The following HMGCS2 variants were observed in gnomAD, a reference collection of about 807,000 sequenced individuals.
HMGCS2 encodes the protein 3-hydroxy-3-methylglutaryl-CoA synthase 2.
In HMGCS2, 50 loss-of-function variants were observed where a neutral mutation model predicts 57.4. The ratio of observed to expected loss-of-function variants is 0.87; its 90% CI spans 0.69 to 1.10. The LOEUF is 1.10. Ranked by LOEUF, HMGCS2 falls within the 50% of genes least tolerant of loss-of-function variation. HMGCS2 has a pLI of 0.00. For missense variants in HMGCS2, 627 were observed against 636.5 expected (o/e 0.99, Z 0.16); for synonymous variants, 254 against 245.1 (o/e 1.04, Z -0.34).
chr1:119,762,839 G>T (rs79866471), intron 2 of HMGCS2, among the ~76,000 whole-genome samples: 1,698 of 152,216 alleles, frequency 0.011, 35 homozygotes, highest in African/African-American at 0.039. Flanking sequence ...GGAATACCCA[G>T]CCCCTCAGAA....
intron 1 of HMGCS2, among the ~76,000 whole-genome samples, chr1:119,765,368 A>G (rs1235198368): frequency 6.6e-6 from 1 of 152,242 alleles, no homozygotes; most frequent in Non-Finnish European, 1.5e-5. Context: ...CTGGGATTAC[A>G]GGCGTGAGCC....
chr1:119,757,477 G>A, intron 4 of HMGCS2, 39 bp from the exon 5 acceptor site: 1 of 1,613,870 alleles, frequency 6.2e-7, no homozygotes, highest in Admixed American at 1.7e-5. Context: ...GGGGCATGAG[G>A]GGCGAGCCAT....
chr1:119,752,936 T>C (rs956634219), intron 7 of HMGCS2, among the ~76,000 whole-genome samples: 2 of 152,158 alleles, frequency 1.3e-5, no homozygotes, highest in African/African-American at 4.8e-5. Flanking sequence ...AAATAATCAA[T>C]AAATTCTTAT....
chr1:119,761,068 T>G (rs1653020637), intron 2 of HMGCS2, among the ~76,000 whole-genome samples: 2 of 150,294 alleles, frequency 1.3e-5, no homozygotes, highest in South Asian at 4.2e-4. Flanking sequence ...CCCAATGCTA[T>G]GTGCATGTGT....
At chr1:119,757,669 C>T (rs1652896229) in intron 4 of HMGCS2, among the ~76,000 whole-genome samples, 1 of 152,150 alleles carries the variant, frequency 6.6e-6, no homozygotes, top group East Asian at 1.9e-4. Flanking sequence ...CTATTACCAG[C>T]CTCTATGATA....
chr1:119,768,483 G>A (rs1571046669), intron 1 of HMGCS2, among the ~76,000 whole-genome samples: 2 of 152,320 alleles, frequency 1.3e-5, no homozygotes, highest in East Asian at 3.9e-4. Context: ...ACTGCTTCAT[G>A]CAGCTGGCAG....
At chr1:119,757,480 C>T (rs762970279) in intron 4 of HMGCS2, 42 bp from the exon 5 acceptor site, 20 of 1,613,536 alleles carry the variant, frequency 1.2e-5, no homozygotes, top group Admixed American at 5.0e-5. Flanking sequence ...GCATGAGGGG[C>T]GAGCCATTTA....
intron 2 of HMGCS2, 116 bp from the exon 3 acceptor site, chr1:119,760,105 A>G: frequency 1.0e-6 from 1 of 963,418 alleles, no homozygotes; most frequent in Non-Finnish European, 1.6e-6. Flanking sequence ...AACAAAATAA[A>G]AAATCCCAGT....
At chr1:119,749,428 A>G (rs1255051935) in intron 9 of HMGCS2, among the ~76,000 whole-genome samples, 1 of 135,746 alleles carries the variant, frequency 7.4e-6, no homozygotes, top group Non-Finnish European at 1.5e-5. Context: ...TCTTCTTCTG[A>G]TGAATGAACT....
intron 4 of HMGCS2, 68 bp from the exon 5 acceptor site, chr1:119,757,506 A>G: frequency 6.2e-7 from 1 of 1,610,034 alleles, no homozygotes; most frequent in Non-Finnish European, 8.5e-7. Context: ...CCTCCCTGAG[A>G]TTTAACTGTG....
intron 1 of HMGCS2, among the ~76,000 whole-genome samples, chr1:119,766,906 C>T (rs587603025): frequency 1.3e-5 from 2 of 152,170 alleles, no homozygotes; most frequent in African/African-American, 4.8e-5. Flanking sequence ...TTCAGCCCAC[C>T]GAAGTTAAGA....
chr1:119,765,082 C>T (rs759668122), intron 1 of HMGCS2, among the ~76,000 whole-genome samples: 1 of 152,052 alleles, frequency 6.6e-6, no homozygotes, highest in South Asian at 2.1e-4. Flanking sequence ...ATAGTTGGAA[C>T]TAAATCTTTT....
rs17024205 is a variant in HMGCS2 at position 119,757,495 on chromosome 1, T to C, written c.851-57A>G. On this transcript the variant is annotated intron_variant, in intron 4 of 9. Transcript: ENST00000369406. ...GCATGAGGGGCGAGCCATTTAGATA[T>C]CCTCCCTGAGATTTAACTGTGCCGA... The C allele has an allele frequency of 4.4e-3, 7,050 of 1,612,598 alleles. 214 individuals are homozygous for C. The African/African-American group carries it at 0.074, about 17-fold the overall frequency.
At chr1:119,752,416 G>GCAGATCTTCTAT in intron 8 of HMGCS2, 133 bp downstream of exon 8, 4 of 1,029,408 alleles carry the variant, frequency 3.9e-6, no homozygotes, top group Non-Finnish European at 6.0e-6. Context: ...AGATCTTCTA[G>GCAGATCTTCTAT]CAAATCTTCT....
chr1:119,760,726 T>G (rs1483442606), intron 2 of HMGCS2, among the ~76,000 whole-genome samples: 1 of 152,212 alleles, frequency 6.6e-6, no homozygotes, highest in Admixed American at 6.5e-5. Context: ...AAACTCAAGT[T>G]TGTGGGTGAG....
chr1:119,763,584 G>A (rs956375877), intron 2 of HMGCS2, among the ~76,000 whole-genome samples: 1 of 152,188 alleles, frequency 6.6e-6, no homozygotes, highest in Non-Finnish European at 1.5e-5. Flanking sequence ...AACAACAGGG[G>A]TTAGTCCTCA....
chr1:119,757,114 C>A (rs894468904), intron 5 of HMGCS2, among the ~76,000 whole-genome samples, 159 bp downstream of exon 5: 2 of 152,168 alleles, frequency 1.3e-5, no homozygotes, highest in African/African-American at 2.4e-5. Flanking sequence ...CAGACAATAA[C>A]CCACTACCCC....
chr1:119,759,221 C>T lies in HMGCS2; in HGVS notation c.747G>A (p.Glu249=), dbSNP rs909075571. The T allele has an allele frequency of 1.2e-6, 2 of 1,614,162 alleles. No homozygotes were observed. Among genetic ancestry groups the T allele is most frequent in the Non-Finnish European group, 1.7e-6 (2 of 1,180,006 alleles). Residue 249 remains glutamate (E), a synonymous_variant, in exon 4 of 10, where the codon GAG becomes GAA. Transcript: ENST00000369406. ...YDFYKPNLAS[E]YPIVDGKLSI... is the part of the protein sequence containing the mutation. The stretch of plus-strand genomic sequence containing the variant: ...AAAGCTTCCCATCCACTATTGGGTA[C>T]TCCGAGGCCAAATTTGGTTTGTAGA...
rs755313968 is a variant in HMGCS2 at position 119,757,348 on chromosome 1, C to T, written c.941G>A (p.Arg314His). The T allele has an allele frequency of 1.6e-5, 26 of 1,614,008 alleles. No individual in the cohort carries two copies. The highest frequency in any genetic ancestry group is 6.7e-5 in the African/African-American group (5 of 74,890). Residue 314 changes from arginine to histidine, a missense_variant, in exon 5 of 10, where the codon CGC (arginine) becomes CAC (histidine). Transcript: ENST00000369406. ...TGACAGGAAGTCATTGAACATCAGG[C>T]GAGCCAGAGACTTCTGGACCATCTT... Reference protein sequence around the residue: ...FCKMVQKSLARLMFNDFLSAS... With the variant: ...FCKMVQKSLAHLMFNDFLSAS...
Sources: gnomAD v4.1 joint callset for allele counts (sites outside exome capture counted in the v4.1 genomes callset) on GRCh38, gnomAD v4.1.1 for gene constraint, MANE v1.5 for transcripts, NCBI Gene and HGNC (gene_info 2026-07-23, HGNC 2026-07-21) for gene names.